Variants in GRIK1 observed in about 807,000 individuals in gnomAD.
GRIK1 encodes glutamate ionotropic receptor kainate type subunit 1.
GRIK1 carries 69 observed loss-of-function variants against 105.7 expected under a neutral mutation model. The ratio of observed to expected loss-of-function variants is 0.65; its 90% CI spans 0.54 to 0.80. GRIK1 has a LOEUF of 0.80. Ranked by LOEUF, GRIK1 falls within the 30% of genes least tolerant of loss-of-function variation. The pLI is 0.00. For missense variants in GRIK1, 1,109 were observed against 1,167.3 expected (o/e 0.95, Z 0.73); for synonymous variants, 438 against 431.3 (o/e 1.02, Z -0.19).
At chr21:29,927,669 G>A (rs550975642) in intron 1 of GRIK1, among the ~76,000 whole-genome samples, 4 of 151,740 alleles carry the variant, frequency 2.6e-5, no homozygotes, top group African/African-American at 9.7e-5. Context: ...TCAGGAGATC[G>A]AGACCACCCT....
chr21:29,596,212 G>A (rs1320366678), intron 9 of GRIK1: 1 of 448,756 alleles, frequency 2.2e-6, no homozygotes, highest in Non-Finnish European at 4.1e-6. Context: ...AAATAGGTCA[G>A]TGTCTCCTTC....
chr21:29,660,307 A>G (rs1484898370), intron 4 of GRIK1, among the ~76,000 whole-genome samples: 4 of 152,176 alleles, frequency 2.6e-5, no homozygotes, highest in East Asian at 1.9e-4. Flanking sequence ...TGAGTCCTCA[A>G]TGAAGTCTAG....
chr21:29,608,255 G>A (rs911702966), intron 7 of GRIK1, among the ~76,000 whole-genome samples: 2 of 152,132 alleles, frequency 1.3e-5, no homozygotes, highest in African/African-American at 4.8e-5. Flanking sequence ...TGTGTATAAG[G>A]TAATGGGGTA....
At chr21:29,882,153 T>C (rs1401805629) in intron 1 of GRIK1, among the ~76,000 whole-genome samples, 1 of 152,096 alleles carries the variant, frequency 6.6e-6, no homozygotes, top group African/African-American at 2.4e-5. Context: ...CAGGCATTTG[T>C]TGTCCGTTTA....
At chr21:29,790,933 G>T (rs1253105254) in intron 1 of GRIK1, among the ~76,000 whole-genome samples, 1 of 152,158 alleles carries the variant, frequency 6.6e-6, no homozygotes, top group Non-Finnish European at 1.5e-5. Context: ...CACTGATGGT[G>T]GTGGGAAAAA....
chr21:29,730,375 A>G (rs780061963), intron 1 of GRIK1, among the ~76,000 whole-genome samples: 3 of 152,202 alleles, frequency 2.0e-5, no homozygotes, highest in Admixed American at 1.3e-4. Flanking sequence ...ACACCAATCA[A>G]AATATCTCAG....
intron 1 of GRIK1, among the ~76,000 whole-genome samples, chr21:29,756,115 C>T (rs2065331909): frequency 6.6e-6 from 1 of 152,230 alleles, no homozygotes; most frequent in Admixed American, 6.5e-5. Context: ...GGCGCGGTGG[C>T]TCACGCCTGT....
chr21:29,595,537 A>G (rs973478040), intron 9 of GRIK1, among the ~76,000 whole-genome samples: 1 of 152,160 alleles, frequency 6.6e-6, no homozygotes, highest in Non-Finnish European at 1.5e-5. Flanking sequence ...AGTACTACTA[A>G]GAGGGGGACA....
In GRIK1 at chr21:29,698,263, G is replaced by C. The variant is rs547549283; in HGVS notation, c.119-4200C>G. Among the ~76,000 whole-genome samples, 6 of 152,132 alleles carry C rather than the reference G, an allele frequency of 3.9e-5. No individual in the cohort carries two copies. The East Asian group carries it at 1.2e-3, about 29-fold the overall frequency. Reference sequence around the variant, plus strand: ...CTTCCTCTCTCTGTCTCTCATTTGAGCTTAGCTGACTTCTACTCCTAACAA... The same window carrying C: ...CTTCCTCTCTCTGTCTCTCATTTGACCTTAGCTGACTTCTACTCCTAACAA... On this transcript the variant is annotated intron_variant, in intron 1 of 17. Coordinates refer to ENST00000327783, the MANE Select transcript of GRIK1 (RefSeq NM_001330994.2).
rs1568815407 is a variant in GRIK1 at position 29,560,515 on chromosome 21, C to CTTTCTTTCTTTCTTT, written c.2356+1108_2356+1109insAAAGAAAGAAAGAAA. 2.7e-3 allele frequency among the ~76,000 whole-genome samples: 134 copies of CTTTCTTTCTTTCTTT among 50,232 alleles called. 10 individuals are homozygous for CTTTCTTTCTTTCTTT. The highest frequency in any genetic ancestry group is 7.0e-3 in the South Asian group (11 of 1,572). The allele number at this position is 50,232 out of a possible 152,430, so 33.0% of individuals were successfully genotyped here. On this transcript the variant is annotated intron_variant, in intron 15 of 17. Transcript: ENST00000327783. ...TCTTTCTTTCCTTCCTTCCTTCCTT[C>CTTTCTTTCTTTCTTT]CTTCCTTTCTTTCTTTCTTTCTTTC...
At chr21:29,599,053 G>A (rs1370501968) in intron 7 of GRIK1, 116 bp from the exon 8 acceptor site, 2 of 596,842 alleles carry the variant, frequency 3.4e-6, no homozygotes, top group African/African-American at 1.9e-5. Flanking sequence ...TTTTCATCAT[G>A]CTGTTATAAA....
intron 1 of GRIK1, among the ~76,000 whole-genome samples, chr21:29,878,404 GAAGT>G (rs2069271976): frequency 6.6e-6 from 1 of 152,108 alleles, no homozygotes; most frequent in Admixed American, 6.5e-5. Context: ...TGCTATGATG[GAAGT>G]AAGCCTAGGG....
chr21:29,914,598 C>T (rs1179590362), intron 1 of GRIK1, among the ~76,000 whole-genome samples: 1 of 152,082 alleles, frequency 6.6e-6, no homozygotes, highest in African/African-American at 2.4e-5. Flanking sequence ...CAGTTTCCTT[C>T]CTTTTGGGAA....
chr21:29,832,890 C>G (rs540152069), intron 1 of GRIK1, among the ~76,000 whole-genome samples: 3 of 152,288 alleles, frequency 2.0e-5, no homozygotes, highest in South Asian at 2.1e-4. Context: ...TACAAATTTT[C>G]CACTTTTATA....
intron 1 of GRIK1, among the ~76,000 whole-genome samples, chr21:29,791,415 A>G (rs529279592): frequency 4.4e-4 from 67 of 152,228 alleles, no homozygotes; most frequent in African/African-American, 1.4e-3. Context: ...GTTTAGTACT[A>G]TGATTGCTGT....
intron 13 of GRIK1, among the ~76,000 whole-genome samples, chr21:29,577,827 A>AC (rs1171935550): frequency 1.3e-5 from 2 of 152,236 alleles, no homozygotes; most frequent in Admixed American, 6.5e-5. Context: ...GTACTTCAAT[A>AC]AAATGCTGTT....
At chr21:29,644,181 T>A (rs530094063) in intron 6 of GRIK1, among the ~76,000 whole-genome samples, 4 of 152,344 alleles carry the variant, frequency 2.6e-5, no homozygotes, top group Non-Finnish European at 5.9e-5. Context: ...CAGGGGTTAC[T>A]ATATCTCACA....
intron 1 of GRIK1, among the ~76,000 whole-genome samples, chr21:29,873,713 G>A (rs918258602): frequency 3.3e-5 from 5 of 152,136 alleles, no homozygotes; most frequent in Non-Finnish European, 7.3e-5. Flanking sequence ...TTTGAGAAAT[G>A]TTGGGTCCTG....
At chr21:29,918,052 A>G (rs460351) in intron 1 of GRIK1, among the ~76,000 whole-genome samples, 38,304 of 151,888 alleles carry the variant, frequency 0.25, 6,074 homozygotes, top group African/African-American at 0.45. Context: ...TTAATGGATA[A>G]ATGATAGATA....
Sources: gnomAD v4.1 joint callset for allele counts (sites outside exome capture counted in the v4.1 genomes callset) on GRCh38, gnomAD v4.1.1 for gene constraint, MANE v1.5 for transcripts, NCBI Gene and HGNC (gene_info 2026-07-23, HGNC 2026-07-21) for gene names.